APP: variants seen among roughly 807,000 people sequenced by gnomAD.
APP encodes the protein amyloid-beta precursor protein.
Under a neutral mutation model 101.4 loss-of-function variants are expected in APP, and 31 were observed. The ratio of observed to expected loss-of-function variants is 0.31; its 90% confidence interval spans 0.23 to 0.41. APP has a LOEUF of 0.41. Ranked by LOEUF, APP falls within the 10% of genes least tolerant of loss-of-function variation. The probability of loss-of-function intolerance (pLI) is 1.00; values close to 1 mark genes in which losing one functional copy is unlikely to be tolerated. For missense variants in APP, 839 were observed against 1,003.7 expected, an observed-to-expected ratio of 0.84 and a Z score of 2.22; for synonymous variants, 366 against 364.4, an observed-to-expected ratio of 1.00 and a Z score of -0.05.
chr21:25,980,215 G>C (rs576994029), intron 9 of APP, among the ~76,000 whole-genome samples: 25 of 152,324 alleles, frequency 1.6e-4, no homozygotes, highest in Admixed American at 1.3e-3. Flanking sequence ...CAGAGTCAGG[G>C]TACAGTGGTA....
At chr21:26,070,460 G>A (rs2046627500) in intron 3 of APP, among the ~76,000 whole-genome samples, 1 of 152,166 alleles carries the variant, frequency 6.6e-6, no homozygotes, top group South Asian at 2.1e-4. Context: ...TGCCCCTGGA[G>A]AATTTTGAAC....
chr21:26,107,994 T>G (rs1216018767), intron 2 of APP, among the ~76,000 whole-genome samples: 1 of 152,196 alleles, frequency 6.6e-6, no homozygotes, highest in African/African-American at 2.4e-5. Context: ...ACAAGCCTTG[T>G]TCCCTGACTT....
At chr21:25,959,140 G>A (rs1428782129) in intron 11 of APP, among the ~76,000 whole-genome samples, 3 of 152,046 alleles carry the variant, frequency 2.0e-5, no homozygotes, top group Admixed American at 6.6e-5. Flanking sequence ...AGCAACTTAC[G>A]AAGTTAAAAA....
At chr21:26,054,334 C>T (rs1165008803) in intron 3 of APP, among the ~76,000 whole-genome samples, 1 of 152,220 alleles carries the variant, frequency 6.6e-6, no homozygotes, top group Non-Finnish European at 1.5e-5. Flanking sequence ...TATACCCCCA[C>T]AATTCCTGGC....
At chr21:26,017,138 G>C (rs1338109782) in intron 6 of APP, among the ~76,000 whole-genome samples, 1 of 140,172 alleles carries the variant, frequency 7.1e-6, no homozygotes, top group Non-Finnish European at 1.5e-5. Context: ...GGCCGAGCTT[G>C]CAGTGAGCCA....
intron 17 of APP, among the ~76,000 whole-genome samples, chr21:25,889,967 C>G (rs1270418398): frequency 1.3e-5 from 2 of 152,056 alleles, no homozygotes; most frequent in Non-Finnish European, 2.9e-5. Context: ...TTTATTTGCT[C>G]AAATATGGAA....
intron 6 of APP, among the ~76,000 whole-genome samples, chr21:26,020,282 G>T (rs931597867): frequency 6.6e-6 from 1 of 152,196 alleles, no homozygotes; most frequent in South Asian, 2.1e-4. Flanking sequence ...GGCTAGAGGT[G>T]AGTAGAGGGC....
At chr21:26,118,831 C>T (rs766283415) in intron 1 of APP, among the ~76,000 whole-genome samples, 12 of 151,842 alleles carry the variant, frequency 7.9e-5, no homozygotes, top group Non-Finnish European at 1.5e-4. Flanking sequence ...TGAGCCACAA[C>T]GCCTGGCCTG....
chr21:26,080,172 A>AAATATGT (rs2061568788), intron 3 of APP, among the ~76,000 whole-genome samples: 1 of 152,182 alleles, frequency 6.6e-6, no homozygotes, highest in Admixed American at 6.5e-5. Context: ...AATTAACACA[A>AAATATGT]AATATGTTTA....
At chr21:26,116,218 C>T (rs1261507303) in intron 1 of APP, among the ~76,000 whole-genome samples, 2 of 152,026 alleles carry the variant, frequency 1.3e-5, no homozygotes, top group East Asian at 1.9e-4. Context: ...ACTACAGAGA[C>T]GTACATATCA....
chr21:25,971,543 T>G (rs1474434354), intron 11 of APP, among the ~76,000 whole-genome samples: 3 of 152,172 alleles, frequency 2.0e-5, no homozygotes, highest in African/African-American at 7.2e-5. Context: ...TCAAGGTAGT[T>G]GTAATTCACA....
rs1316265967 is a variant in APP at position 26,000,173 on chromosome 21, G to A, written c.875C>T (p.Ser292Phe). The A allele has an allele frequency of 6.2e-7, 1 of 1,614,208 alleles. No homozygotes were observed. The highest frequency in any genetic ancestry group is 1.1e-5 in the South Asian group (1 of 91,090). Residue 292 changes from serine (S) to phenylalanine (F), a missense_variant, in exon 7 of 18, where the codon TCT becomes TTT. Ser to Phe is a radical substitution (Grantham distance 155). Coordinates refer to ENST00000346798, the MANE Select transcript of APP (RefSeq NM_000484.4). ...GCACGGCCCCGTCTCGGCTTGTTCAGAGCACACCTCTAATCAGAGGAGATG... is the reference window on the plus strand; with the variant it reads ...GCACGGCCCCGTCTCGGCTTGTTCAAAGCACACCTCTAATCAGAGGAGATG... ...SVEEVVREVC[S>F]EQAETGPCRA...
chr21:26,100,843 C>G (rs2062038709), intron 2 of APP, among the ~76,000 whole-genome samples: 1 of 152,022 alleles, frequency 6.6e-6, no homozygotes, highest in African/African-American at 2.4e-5. Context: ...GAGAAAATAC[C>G]CATAAACCAA....
chr21:26,084,122 C>T lies in APP; in HGVS notation c.355+5821G>A, dbSNP rs1206748314. Among the ~76,000 whole-genome samples, 4 of 150,844 alleles carry T rather than the reference C, an allele frequency of 2.7e-5. No individual in the cohort carries two copies. In the East Asian group the frequency reaches 7.8e-4, roughly 29 times the overall value. The stretch of plus-strand genomic sequence containing the variant: ...ATCCTCTGTCCTGAGTTTTAGAAAG[C>T]AAATCAAGCAGGAGCCAATGCAATT... On this transcript the variant is annotated intron_variant, in intron 3 of 17. Transcript: ENST00000346798.
At chr21:26,112,215 G>A in intron 1 of APP, 69 bp from the exon 2 acceptor site, 2 of 1,513,534 alleles carry the variant, frequency 1.3e-6, no homozygotes, top group South Asian at 1.1e-5. Flanking sequence ...GGAAGAACAG[G>A]GATAACTATC....
intron 5 of APP, among the ~76,000 whole-genome samples, chr21:26,023,076 A>G (rs894679848): frequency 2.6e-5 from 4 of 151,966 alleles, no homozygotes; most frequent in Non-Finnish European, 1.5e-5. Flanking sequence ...AACTGACTTA[A>G]GTAAATCTGC....
chr21:26,053,137 A>G (rs773604116), intron 4 of APP, 99 bp downstream of exon 4: 1 of 913,996 alleles, frequency 1.1e-6, no homozygotes, highest in Non-Finnish European at 1.8e-6. Context: ...TAAATAACTT[A>G]TCAACATAGC....
At chr21:26,058,482 T>C (rs1045652912) in intron 3 of APP, among the ~76,000 whole-genome samples, 1 of 152,224 alleles carries the variant, frequency 6.6e-6, no homozygotes, top group Non-Finnish European at 1.5e-5. Flanking sequence ...CACTATGGAA[T>C]TTAAAGTATA....
intron 13 of APP, among the ~76,000 whole-genome samples, chr21:25,926,487 G>C (rs930160898): frequency 6.6e-6 from 1 of 152,130 alleles, no homozygotes; most frequent in South Asian, 2.1e-4. Context: ...ATAACCATGA[G>C]AACTGCACTC....
Sources: allele counts gnomAD v4.1 joint callset (sites outside exome capture counted in the v4.1 genomes callset), GRCh38; gene constraint gnomAD v4.1.1; transcripts MANE v1.5; gene names NCBI Gene and HGNC (gene_info 2026-07-23, HGNC 2026-07-21).